TIPIN: variants seen among roughly 807,000 people sequenced by gnomAD.
TIPIN encodes the protein TIMELESS interacting protein, also known as TIMELESS-interacting protein.
A neutral mutation model predicts 35.6 loss-of-function variants in TIPIN; 29 were observed. The ratio of observed to expected loss-of-function variants is 0.82; its 90% CI spans 0.61 to 1.11. The LOEUF (loss-of-function observed/expected upper bound fraction) is 1.11. Among genes scored for constraint, TIPIN ranks in the 50% most tolerant of loss-of-function variants. The pLI is 0.00. For synonymous variants in TIPIN, 102 were observed against 121.5 expected (o/e 0.84, Z 1.06); for missense variants, 296 against 345.4 (o/e 0.86, Z 1.13).
upstream of TIPIN, chr15:66,356,760 G>C (rs2093206962): frequency 1.0e-6 from 1 of 984,802 alleles, no homozygotes; most frequent in Non-Finnish European, 1.2e-6. Flanking sequence ...AATCCGTGCG[G>C]GGGGCTGGGC....
intron 1 of TIPIN, chr15:66,366,998 T>C (rs1566983033): frequency 2.2e-6 from 1 of 447,264 alleles, no homozygotes; most frequent in Admixed American, 6.4e-5. Flanking sequence ...CTGGTCAACA[T>C]GACGAAACAC....
intron 1 of TIPIN, among the ~76,000 whole-genome samples, chr15:66,364,137 C>T (rs1475418485): frequency 6.7e-6 from 1 of 149,384 alleles, no homozygotes; most frequent in South Asian, 2.1e-4. Flanking sequence ...TATCAACATG[C>T]TATAGAGAAA....
At chr15:66,370,257 C>T (rs1326729859) in intron 1 of TIPIN, among the ~76,000 whole-genome samples, 1 of 152,078 alleles carries the variant, frequency 6.6e-6, no homozygotes, top group Non-Finnish European at 1.5e-5. Context: ...CTGACTCCCA[C>T]CAAAAAACAG....
At position 66,385,421 on chromosome 15, in the gene TIPIN, T is replaced by G. The variant is rs117849525; in HGVS notation, c.-9+1186A>C. 1.4e-3 allele frequency among the ~76,000 whole-genome samples: 217 copies of G among 152,330 alleles called. 5 individuals carry two copies. The East Asian group carries it at 0.039, about 27-fold the overall frequency. On this transcript the variant is annotated intron_variant, in intron 1 of 7. Transcript: ENST00000562124. ...AATGTGCACTTTTAAATGGGTATTG[T>G]GCCTCTTATTAAGCTCTTTATTCAC...
upstream of TIPIN, chr15:66,356,810 G>A (rs990254040): frequency 3.6e-6 from 3 of 832,006 alleles, no homozygotes; most frequent in Admixed American, 6.2e-5. Context: ...CGCCCAGCAC[G>A]CCGGTCCCGC....
intron 1 of TIPIN, among the ~76,000 whole-genome samples, chr15:66,373,673 A>ATTAT (rs761823310): frequency 4.6e-5 from 7 of 152,082 alleles, no homozygotes; most frequent in Admixed American, 2.0e-4. Flanking sequence ...AACATTTGAT[A>ATTAT]TTGTCTTTTT....
chr15:66,348,995 A>T, intron 6 of TIPIN, 65 bp downstream of exon 6: 1 of 1,316,378 alleles, frequency 7.6e-7, no homozygotes, highest in Admixed American at 1.9e-5. Context: ...TTGAGCCACC[A>T]CACCCTGCCT....
In TIPIN at chr15:66,367,992, G is replaced by GCT. The variant is rs1010095776; in HGVS notation, c.-8-15039_-8-15038dup. Among the ~76,000 whole-genome samples the GCT allele has an allele frequency of 3.2e-4, 48 of 151,096 alleles. No homozygotes were observed. In the Middle Eastern group the frequency reaches 0.027, roughly 86 times the overall value. On this transcript the variant is annotated intron_variant, in intron 1 of 7. Coordinates refer to the TIPIN transcript ENST00000562124. ...GGGACTACAGGTGCGCGCCACCATGGCTGACTAATTTTTGTATTTTTAGTA... is the reference window on the plus strand; with the variant it reads ...GGGACTACAGGTGCGCGCCACCATGGCTCTGACTAATTTTTGTATTTTTAGTA...
rs1272357324 is a variant in TIPIN, at chr15:66,348,733, C to T, written c.475+327G>A. ...TGGCCAGGCACAGTATGGCTTGAGG[C>T]CAGGAGTGTGAGAGCAGCCAAGGCA... On this transcript the variant is annotated intron_variant, in intron 6 of 7. Transcript: ENST00000261881. 2.7e-5 allele frequency among the ~76,000 whole-genome samples: 4 copies of T among 150,734 alleles called. No individual in the cohort carries two copies. The South Asian group carries it at 8.4e-4, about 32-fold the overall frequency.
chr15:66,369,106 G>C (rs2140487994), intron 1 of TIPIN, among the ~76,000 whole-genome samples: 1 of 152,228 alleles, frequency 6.6e-6, no homozygotes, highest in Middle Eastern at 3.4e-3. Flanking sequence ...TGCCAGTCTA[G>C]GATCCAGTTA....
At chr15:66,381,637 TAATAC>T (rs1208856262) in intron 1 of TIPIN, among the ~76,000 whole-genome samples, 1 of 152,194 alleles carries the variant, frequency 6.6e-6, no homozygotes, top group African/African-American at 2.4e-5. Flanking sequence ...GCTATTTAAA[TAATAC>T]TATGTTGATC....
intron 1 of TIPIN, among the ~76,000 whole-genome samples, chr15:66,366,153 CA>C (rs537298134): frequency 1.5e-4 from 22 of 143,768 alleles, no homozygotes; most frequent in Admixed American, 2.1e-4. Flanking sequence ...GAGTCCCTCC[CA>C]AAAAAAAAAA....
At chr15:66,337,795 T>C (rs1020185035) in intron 7 of TIPIN, among the ~76,000 whole-genome samples, 1 of 151,044 alleles carries the variant, frequency 6.6e-6, no homozygotes, top group African/African-American at 2.4e-5. Context: ...AAAAAAATAA[T>C]TAGCTGGCTA....
intron 1 of TIPIN, among the ~76,000 whole-genome samples, chr15:66,355,961 G>T (rs2093201767): frequency 6.6e-6 from 1 of 152,104 alleles, no homozygotes; most frequent in African/African-American, 2.4e-5. Context: ...TATTTGTAGT[G>T]AATAAGATGC....
intron 7 of TIPIN, among the ~76,000 whole-genome samples, chr15:66,338,557 G>A (rs139163119): frequency 2.1e-4 from 32 of 152,194 alleles, no homozygotes; most frequent in African/African-American, 7.7e-4. Flanking sequence ...GCTCACACCT[G>A]TAATCCCAGC....
chr15:66,352,351 T>C (rs928251476), intron 2 of TIPIN, 144 bp from the exon 3 acceptor site: 1 of 629,400 alleles, frequency 1.6e-6, no homozygotes, highest in Non-Finnish European at 2.7e-6. Flanking sequence ...CATGCTGGAG[T>C]GCAGTGGTGC....
At chr15:66,384,885 C>G (rs936110855) in intron 1 of TIPIN, among the ~76,000 whole-genome samples, 1 of 151,974 alleles carries the variant, frequency 6.6e-6, no homozygotes, top group South Asian at 2.1e-4. Flanking sequence ...GCACTCAAGC[C>G]TGGGCAAAAA....
At chr15:66,342,290 A>C (rs2093094505) in intron 6 of TIPIN, among the ~76,000 whole-genome samples, 1 of 152,044 alleles carries the variant, frequency 6.6e-6, no homozygotes. Flanking sequence ...TCCAAACCAT[A>C]TTCTTGTTCT....
Position 66,351,525 on chromosome 15 carries a change from C to T in TIPIN, c.288G>A (p.Glu96=), listed in dbSNP as rs760920977. The T allele has an allele frequency of 1.2e-5, 20 of 1,611,642 alleles. No homozygotes were observed. The South Asian group carries it at 2.2e-4, about 18-fold the overall frequency. The change falls in exon 4 of 8, where the codon GAG becomes GAA. Residue 96 remains glutamate (E), a splice_region_variant and synonymous_variant. Coordinates refer to ENST00000261881, the MANE Select transcript of TIPIN (RefSeq NM_017858.3). ...DKAKFKGKGH[E]AEDLKMLIRH... is the part of the protein sequence containing the mutation. ...GTCTAACATAAAAATCAGTTCTTAC[C>T]TCATGACCTTTACCTTTGAATTTTG...
Sources: allele counts gnomAD v4.1 joint callset (sites outside exome capture counted in the v4.1 genomes callset), GRCh38; gene constraint gnomAD v4.1.1; transcripts MANE v1.5; gene names NCBI Gene and HGNC (gene_info 2026-07-23, HGNC 2026-07-21).